The following CDKN2B-AS1 variants were observed in gnomAD, a reference collection of about 807,000 sequenced individuals.
The protein encoded by CDKN2B-AS1 is CDKN2B and CDKN2A antisense cis and trans regulatory RNA 1, also known as CDKN2B antisense RNA 1 (non-protein coding).
chr9:22,114,479 A>G (rs1261904538), intron 4 of CDKN2B-AS1, among the ~76,000 whole-genome samples: 1 of 152,194 alleles, frequency 6.6e-6, no homozygotes, highest in Non-Finnish European at 1.5e-5. Context: ...TGTGGCTACT[A>G]TGTAAGACTC....
At chr9:22,111,797 A>T (rs957492562) in intron 4 of CDKN2B-AS1, among the ~76,000 whole-genome samples, 1 of 152,228 alleles carries the variant, frequency 6.6e-6, no homozygotes, top group South Asian at 2.1e-4. Flanking sequence ...TGTGACACTG[A>T]CAAATTATGG....
intron 4 of CDKN2B-AS1, among the ~76,000 whole-genome samples, chr9:22,083,664 A>G (rs1330506372): frequency 6.6e-6 from 1 of 152,142 alleles, no homozygotes; most frequent in East Asian, 1.9e-4. Context: ...CTATATTTAG[A>G]TGTTTGGGGT....
intron 1 of CDKN2B-AS1, chr9:22,008,933 G>C: frequency 6.2e-7 from 1 of 1,612,906 alleles, no homozygotes; most frequent in Non-Finnish European, 8.5e-7. Context: ...CACTGGGCAT[G>C]CCCTTGTTCT....
intron 1 of CDKN2B-AS1, among the ~76,000 whole-genome samples, chr9:22,025,089 C>T (rs1198744966): frequency 6.6e-6 from 1 of 152,240 alleles, no homozygotes; most frequent in African/African-American, 2.4e-5. Flanking sequence ...CACTCCTGCA[C>T]TAAACCCTCT....
At chr9:22,030,448 G>A (rs957742118) in intron 1 of CDKN2B-AS1, 4 of 152,090 alleles carry the variant, frequency 2.6e-5, no homozygotes, top group Non-Finnish European at 5.9e-5. Context: ...GACAATAAAT[G>A]ACTCATTCTC....
At chr9:22,038,984 T>C (rs1822798330) in intron 1 of CDKN2B-AS1, among the ~76,000 whole-genome samples, 2 of 152,054 alleles carry the variant, frequency 1.3e-5, no homozygotes, top group Non-Finnish European at 2.9e-5. Context: ...TTCATTTATC[T>C]GAGAAAATTT....
chr9:22,060,033 G>C (rs924247411), intron 4 of CDKN2B-AS1, among the ~76,000 whole-genome samples: 1 of 152,162 alleles, frequency 6.6e-6, no homozygotes, highest in Non-Finnish European at 1.5e-5. Flanking sequence ...CTCTGGGCCT[G>C]TGATGGGAGG....
At position 21,997,259 on chromosome 9, in the gene CDKN2B-AS1, A is replaced by T. The variant is rs1245277614; in HGVS notation, n.29+2098A>T. 1.3e-5 allele frequency among the ~76,000 whole-genome samples: 2 copies of T among 152,206 alleles called. No individual in the cohort carries two copies. Among genetic ancestry groups the T allele is most frequent in the African/African-American group, 2.4e-5 (1 of 41,446 alleles). ...TATATCTAAACACATCTAAACATAGAAAAGGTAGTATGTTGTGCTACAACT... is the reference window on the plus strand; with the variant it reads ...TATATCTAAACACATCTAAACATAGTAAAGGTAGTATGTTGTGCTACAACT... On this transcript the variant is annotated intron_variant and non_coding_transcript_variant, in intron 1 of 4. Coordinates refer to ENST00000650946, the Ensembl canonical transcript of CDKN2B-AS1. The surrounding 1 kb of genome is among the most constrained non-coding windows in gnomAD (Gnocchi z 4.8).
intron 4 of CDKN2B-AS1, among the ~76,000 whole-genome samples, chr9:22,065,201 C>T (rs1016641305): frequency 3.9e-5 from 6 of 152,162 alleles, no homozygotes; most frequent in African/African-American, 1.4e-4. Flanking sequence ...CCAGAAGTTC[C>T]ATCTCTGTGT....
intron 1 of CDKN2B-AS1, among the ~76,000 whole-genome samples, chr9:22,022,535 T>G (rs570801308): frequency 6.6e-6 from 1 of 152,336 alleles, no homozygotes; most frequent in African/African-American, 2.4e-5. Context: ...ATTTTGAGCC[T>G]ATCTCATTGC....
chr9:22,055,086 G>GT (rs1385873455), intron 3 of CDKN2B-AS1, among the ~76,000 whole-genome samples: 1 of 152,082 alleles, frequency 6.6e-6, no homozygotes, highest in African/African-American at 2.4e-5. Context: ...ATTCATATTT[G>GT]TTATTTATCA....
intron 4 of CDKN2B-AS1, among the ~76,000 whole-genome samples, chr9:22,101,701 CAT>C (rs879668840): frequency 0.03 from 1,658 of 55,394 alleles, 37 homozygotes; most frequent in African/African-American, 0.044. Flanking sequence ...CACACACACA[CAT>C]GGCTTCTAGA....
At chr9:22,013,122 TG>T (rs1235050724) in intron 1 of CDKN2B-AS1, among the ~76,000 whole-genome samples, 1 of 152,184 alleles carries the variant, frequency 6.6e-6, no homozygotes. Context: ...ATCTCTTGTG[TG>T]TGTCCAAATT....
intron 4 of CDKN2B-AS1, among the ~76,000 whole-genome samples, chr9:22,088,412 C>A (rs191347682): frequency 6.7e-6 from 1 of 149,062 alleles, no homozygotes; most frequent in East Asian, 2.0e-4. Context: ...CAGGAGAATG[C>A]ACAATTGCAC....
At position 21,995,771 on chromosome 9, in the gene CDKN2B-AS1, C is replaced by G. The variant is rs1030559405; in HGVS notation, n.29+610C>G. The G allele has an allele frequency of 6.6e-6, 1 of 152,268 alleles. No homozygotes were observed. The highest frequency in any genetic ancestry group is 1.9e-4 in the East Asian group (1 of 5,182). The allele number at this position is 152,268 out of a possible 1,614,324, so 9.4% of individuals were successfully genotyped here. On this transcript the variant is annotated intron_variant and non_coding_transcript_variant, in intron 1 of 4. Coordinates refer to ENST00000650946, the Ensembl canonical transcript of CDKN2B-AS1. The surrounding 1 kb of genome is among the most constrained non-coding windows in gnomAD (Gnocchi z 5.7). Reference sequence around the variant, plus strand: ...GAGGCTCGGCTCTCGTCCAGGAACTCGGACGCGGGCTCGCCGGCTCTCCGC... The same window carrying G: ...GAGGCTCGGCTCTCGTCCAGGAACTGGGACGCGGGCTCGCCGGCTCTCCGC...
intron 2 of CDKN2B-AS1, chr9:22,049,020 T>A (rs567042030): frequency 6.6e-6 from 1 of 152,282 alleles, no homozygotes; most frequent in African/African-American, 2.4e-5. Context: ...CAATCTTAAT[T>A]CTAAAATTCT....
At chr9:22,058,008 T>G (rs1180282680) in intron 4 of CDKN2B-AS1, among the ~76,000 whole-genome samples, 2 of 117,906 alleles carry the variant, frequency 1.7e-5, no homozygotes, top group Non-Finnish European at 3.7e-5. Flanking sequence ...TCCCAGCTAC[T>G]GGGGAGGCTG....
chr9:22,074,465 T>C (rs1824416624), intron 4 of CDKN2B-AS1, among the ~76,000 whole-genome samples: 1 of 152,202 alleles, frequency 6.6e-6, no homozygotes, highest in South Asian at 2.1e-4. Flanking sequence ...ACTTCAGAGA[T>C]GCATCTGGTC....
intron 4 of CDKN2B-AS1, among the ~76,000 whole-genome samples, chr9:22,079,677 C>T (rs967261746): frequency 3.9e-5 from 6 of 152,012 alleles, no homozygotes; most frequent in Admixed American, 1.3e-4. Flanking sequence ...AGGTAAAAAG[C>T]GAGTGTTTCC....
Sources: allele counts gnomAD v4.1 joint callset (sites outside exome capture counted in the v4.1 genomes callset), GRCh38; gene constraint gnomAD v4.1.1; non-coding constraint Gnocchi (gnomAD v3.1); transcripts MANE v1.5; gene names NCBI Gene and HGNC (gene_info 2026-07-23, HGNC 2026-07-21).